Variants in FAT2 observed in about 807,000 individuals in gnomAD.
The protein encoded by FAT2 is protocadherin Fat 2.
Under a neutral mutation model 295.3 loss-of-function variants are expected in FAT2, and 150 were observed. That is an observed-to-expected ratio of 0.51 (90% CI 0.44 to 0.58). The LOEUF is 0.58. Among genes scored for constraint, FAT2 ranks in the 20% least tolerant of loss-of-function variants. The pLI, the probability that FAT2 is intolerant of heterozygous loss-of-function variation, is 0.00. For missense variants in FAT2, 4,868 were observed against 5,442.7 expected (o/e 0.89, Z 3.32); for synonymous variants, 2,026 against 2,150.3 (o/e 0.94, Z 1.60).
Position 151,527,275 on chromosome 5 carries a change from G to A in FAT2, c.10267C>T (p.Pro3423Ser), listed in dbSNP as rs757312871. The change falls in exon 17 of 24, where the codon CCA (proline) becomes TCA (serine). Residue 3423 changes from proline (P) to serine (S), a missense_variant. Coordinates refer to ENST00000261800, the MANE Select transcript of FAT2 (RefSeq NM_001447.3). The stretch of plus-strand genomic sequence containing the variant: ...TAGTTGAGCTGGAAGAATCTCGGTG[G>A]GTTATCATTGACATCAGCCACTTGG... The part of the protein sequence containing the change: ...AIQVADVNDN[P>S]PRFFQLNYST... 5 of 1,612,524 alleles carry A rather than the reference G, an allele frequency of 3.1e-6. No individual in the cohort carries two copies. The highest frequency in any genetic ancestry group is 4.2e-6 in the Non-Finnish European group (5 of 1,179,446).
intron 9 of FAT2, among the ~76,000 whole-genome samples, chr5:151,547,750 C>T (rs1221456152): frequency 6.6e-6 from 1 of 152,030 alleles, no homozygotes; most frequent in Non-Finnish European, 1.5e-5. Context: ...TATATAATAT[C>T]ACACTGCTGA....
Position 151,543,216 on chromosome 5 carries a change from G to A in FAT2, c.7911C>T (p.Asn2637=). 1.9e-6 allele frequency: 3 copies of A among 1,614,158 alleles called. No individual in the cohort carries two copies. Among genetic ancestry groups the A allele is most frequent in the Non-Finnish European group, 2.5e-6 (3 of 1,180,028 alleles). Residue 2637 remains asparagine, a synonymous_variant, in exon 10 of 24, where the codon AAC becomes AAT. Coordinates refer to ENST00000261800, the MANE Select transcript of FAT2 (RefSeq NM_001447.3). ...EDLVKDVIEI[N]PVTGVVKVKD... ...TCACCTTGACCACACCAGTGACTGG[G>A]TTAATTTCAATGACATCTTTAACTA... is the stretch of plus-strand genomic sequence containing the variant.
At chr5:151,593,871 C>T (rs551390703), upstream of FAT2, among the ~76,000 whole-genome samples, 19 of 152,054 alleles carry the variant, frequency 1.2e-4, 1 homozygote, top group East Asian at 5.8e-4. Flanking sequence ...GGTGTGGTGC[C>T]GTGTGCCTGT....
chr5:151,574,439 GATAA>G (rs1039508101), intron 1 of FAT2, among the ~76,000 whole-genome samples: 3 of 152,146 alleles, frequency 2.0e-5, no homozygotes, highest in Admixed American at 2.0e-4. Context: ...AAAGAGGTGA[GATAA>G]ATAAATTAAG....
intron 1 of FAT2, among the ~76,000 whole-genome samples, chr5:151,583,221 A>G (rs1384546909): frequency 6.6e-6 from 1 of 152,224 alleles, no homozygotes; most frequent in African/African-American, 2.4e-5. Context: ...GTGTGAACAT[A>G]TGTTCACCAA....
At position 151,527,262 on chromosome 5, in the gene FAT2, A is replaced by T. The variant is rs1487100349; in HGVS notation, c.10280T>A (p.Phe3427Tyr). 1 of 1,612,608 alleles carries T rather than the reference A, an allele frequency of 6.2e-7. No individual in the cohort carries two copies. Among genetic ancestry groups the T allele is most frequent in the Non-Finnish European group, 8.5e-7 (1 of 1,179,100 alleles). Residue 3427 changes from phenylalanine to tyrosine, a missense_variant, in exon 17 of 24, where the codon TTC (phenylalanine) becomes TAC (tyrosine). Physicochemically the swap from Phe to Tyr is conservative, Grantham distance 22. Transcript: ENST00000261800. The part of the protein sequence containing the change: ...ADVNDNPPRF[F>Y]QLNYSTTVQE... ...GACAGTGGTGCTGTAGTTGAGCTGG[A>T]AGAATCTCGGTGGGTTATCATTGAC...
At position 151,565,772 on chromosome 5, in the gene FAT2, C is replaced by G. The variant is rs1320466874; in HGVS notation, c.3160G>C (p.Val1054Leu). 1.2e-6 allele frequency: 2 copies of G among 1,613,964 alleles called. No individual in the cohort carries two copies. The highest frequency in any genetic ancestry group is 1.7e-6 in the Non-Finnish European group (2 of 1,180,018). Residue 1054 changes from valine to leucine, a missense_variant, in exon 2 of 24, where the codon GTG becomes CTG. Val to Leu is a conservative substitution (Grantham distance 32, BLOSUM62 1). This residue lies in a region of FAT2 where 3,297 missense variants were observed against 3,669.4 expected (regional missense o/e 0.90). Coordinates refer to ENST00000261800, the MANE Select transcript of FAT2 (RefSeq NM_001447.3). ...NSPSGTQVIV[V>L]AAQDDDSGLD... ...CCACTGTCATCGTCCTGGGCAGCCA[C>G]TACAATCACCTGAGTTCCCGAGGGG...
At chr5:151,553,481 G>T in intron 5 of FAT2, 94 bp from the exon 6 acceptor site, 1 of 1,061,460 alleles carries the variant, frequency 9.4e-7, no homozygotes, top group South Asian at 1.4e-5. Context: ...CTGTGATTCT[G>T]ACCAAGCAGG....
intron 1 of FAT2, among the ~76,000 whole-genome samples, chr5:151,570,340 T>A (rs544661827): frequency 6.6e-6 from 1 of 152,342 alleles, no homozygotes; most frequent in South Asian, 2.1e-4. Flanking sequence ...TTAGAGATGA[T>A]GGGCTTCTGT....
At chr5:151,575,141 C>T (rs1758696853) in intron 1 of FAT2, among the ~76,000 whole-genome samples, 1 of 152,168 alleles carries the variant, frequency 6.6e-6, no homozygotes. Context: ...TCAGGCCTGT[C>T]CTAGTCTGGA....
chr5:151,566,673 C>T lies in FAT2; in HGVS notation c.2259G>A (p.Val753=). 1 of 1,614,200 alleles carries T rather than the reference C, an allele frequency of 6.2e-7. No individual in the cohort carries two copies. The highest frequency in any genetic ancestry group is 8.5e-7 in the Non-Finnish European group (1 of 1,180,040). The part of the protein sequence containing the change: ...DAGFNGKLVY[V]IADGNEEGCF... ...AGCCCTCCTCATTGCCATCTGCAAT[C>T]ACATAGACCAGTTTGCCATTAAAAC... is the stretch of plus-strand genomic sequence containing the variant. Residue 753 remains valine (V), a synonymous_variant, in exon 2 of 24, where the codon GTG becomes GTA. Coordinates refer to ENST00000261800, the MANE Select transcript of FAT2 (RefSeq NM_001447.3).
At chr5:151,537,290 GGA>G (rs1171188848) in intron 12 of FAT2, among the ~76,000 whole-genome samples, 234 of 147,194 alleles carry the variant, frequency 1.6e-3, no homozygotes, top group African/African-American at 5.7e-3. Flanking sequence ...AGGAGGAGGA[GGA>G]GGAGGGAGAG....
chr5:151,523,963 G>A (rs932012323), intron 18 of FAT2, among the ~76,000 whole-genome samples: 7 of 151,928 alleles, frequency 4.6e-5, no homozygotes, highest in African/African-American at 1.5e-4. Context: ...CTTTCTAACT[G>A]CACATCCACT....
At chr5:151,534,742 G>T in intron 12 of FAT2, 100 bp from the exon 13 acceptor site, 1 of 1,020,224 alleles carries the variant, frequency 9.8e-7, no homozygotes, top group African/African-American at 1.6e-5. Context: ...GCCACACAGA[G>T]TTTTGTTCAC....
At position 151,509,737 on chromosome 5, in the gene FAT2, T is replaced by C. The variant is rs574084052; in HGVS notation, c.12059+284A>G. On this transcript the variant is annotated intron_variant, in intron 22 of 23. Transcript: ENST00000261800. ...ATAATTACTTCATTATATATTACAA[T>C]GTAATAATAATAGAAATAAAGTGTG... The C allele has an allele frequency of 7.0e-5, 22 of 314,910 alleles. No homozygotes were observed. The Admixed American group carries it at 8.7e-4, about 13-fold the overall frequency. The allele number at this position is 314,910 out of a possible 1,614,324, so 19.5% of individuals were successfully genotyped here. A position where few individuals can be genotyped will look rare whatever the true frequency, so the allele number is the denominator to read the frequency against.
Position 151,567,688 on chromosome 5 carries a change from A to G in FAT2, c.1244T>C (p.Ile415Thr). The change falls in exon 2 of 24, where the codon ATC (isoleucine) becomes ACC (threonine). Residue 415 changes from isoleucine to threonine, a missense_variant. By Grantham distance (89) the Ile-to-Thr change is moderately conservative. Around this residue, in one of 5 missense-constraint regions of FAT2, gnomAD observed 3,297 missense variants for 3,669.4 expected, o/e 0.90. Coordinates refer to ENST00000261800, the MANE Select transcript of FAT2 (RefSeq NM_001447.3). ...GFKLNARTGL[I>T]TTTKLMDFHD... ...GAAGTCCATGAGCTTTGTGGTGGTG[A>G]TCAACCCAGTTCGAGCATTAAGTTT... The G allele has an allele frequency of 6.2e-7, 1 of 1,614,162 alleles. No individual in the cohort carries two copies. Among genetic ancestry groups the G allele is most frequent in the South Asian group, 1.1e-5 (1 of 91,082 alleles).
chr5:151,569,039 C>T, intron 1 of FAT2, 88 bp from the exon 2 acceptor site: 1 of 1,281,886 alleles, frequency 7.8e-7, no homozygotes, highest in Non-Finnish European at 1.1e-6. Context: ...GATTTTGACC[C>T]TCAAGGGACA....
rs556695189 is a variant in FAT2 at position 151,544,072 on chromosome 5, A to G, written c.7055T>C (p.Met2352Thr). 4 of 1,614,220 alleles carry G rather than the reference A, an allele frequency of 2.5e-6. No homozygotes were observed. The highest frequency in any genetic ancestry group is 4.5e-5 in the East Asian group (2 of 44,888). ...QQHFHVKVRA[M>T]DKGDPPLTGE... ...AGTGAGTGGGGGATCTCCTTTATCC[A>G]TGGCCCTGACTTTCACATGAAAGTG... The change falls in exon 10 of 24, where the codon ATG (methionine) becomes ACG (threonine). Residue 2352 changes from methionine (M) to threonine (T), a missense_variant. Around this residue, in one of 5 missense-constraint regions of FAT2, gnomAD observed 3,297 missense variants for 3,669.4 expected, o/e 0.90. Transcript: ENST00000261800.
intron 1 of FAT2, among the ~76,000 whole-genome samples, chr5:151,575,194 T>A (rs1167074611): frequency 1.3e-5 from 2 of 152,246 alleles, no homozygotes; most frequent in African/African-American, 4.8e-5. Flanking sequence ...AGGACATGGA[T>A]GAAAGAGAGC....
Sources: allele counts gnomAD v4.1 joint callset (sites outside exome capture counted in the v4.1 genomes callset), GRCh38; gene constraint gnomAD v4.1.1; regional missense constraint gnomAD v4.1.1; transcripts MANE v1.5; gene names NCBI Gene and HGNC (gene_info 2026-07-23, HGNC 2026-07-21).